GLI2: variants seen among roughly 807,000 people sequenced by gnomAD.
GLI2 encodes GLI family zinc finger 2, also known as transcription activator GLI2.
GLI2 carries 22 observed loss-of-function variants against 78.9 expected under a neutral mutation model. That is an observed-to-expected ratio of 0.28 (90% CI 0.20 to 0.40). The LOEUF is 0.40. GLI2 is among the 10% of genes least tolerant of loss of function. The pLI, the probability that GLI2 is intolerant of heterozygous loss-of-function variation, is 1.00. For missense variants in GLI2, 2,097 were observed against 2,213.2 expected, an observed-to-expected ratio of 0.95 and a Z score of 1.05; for synonymous variants, 974 against 963.7, an observed-to-expected ratio of 1.01 and a Z score of -0.20.
At chr2:120,923,232 AG>A (rs1679474613) in intron 2 of GLI2, among the ~76,000 whole-genome samples, 1 of 120,086 alleles carries the variant, frequency 8.3e-6, no homozygotes, top group African/African-American at 3.2e-5. Flanking sequence ...ACATATACAC[AG>A]CAACACACAC....
chr2:120,893,382 G>A (rs1307510340), intron 2 of GLI2, among the ~76,000 whole-genome samples: 7 of 150,604 alleles, frequency 4.6e-5, no homozygotes, highest in Admixed American at 4.0e-4. Flanking sequence ...GCACAATTAA[G>A]ATTCTTGCTG....
chr2:120,901,731 C>T (rs1386035494), intron 2 of GLI2, among the ~76,000 whole-genome samples: 1 of 152,214 alleles, frequency 6.6e-6, no homozygotes. Context: ...AGATTACCTA[C>T]AATTGTTTGG....
chr2:120,850,642 G>T (rs904591622), intron 2 of GLI2, among the ~76,000 whole-genome samples: 1 of 152,236 alleles, frequency 6.6e-6, no homozygotes, highest in African/African-American at 2.4e-5. Flanking sequence ...TGATAGCAAG[G>T]CCGGGGCTGT....
intron 5 of GLI2, among the ~76,000 whole-genome samples, chr2:120,964,210 G>A (rs1681724546): frequency 6.6e-6 from 1 of 152,228 alleles, no homozygotes; most frequent in South Asian, 2.1e-4. Context: ...GGGAGGTGAT[G>A]ACTCGGCTGA....
chr2:120,865,175 C>T (rs924314234), intron 2 of GLI2, among the ~76,000 whole-genome samples: 3 of 152,170 alleles, frequency 2.0e-5, no homozygotes, highest in Non-Finnish European at 2.9e-5. Context: ...AGTGTCTGAG[C>T]GCTTGCCTGT....
chr2:120,769,818 G>A (rs1478370818), intron 1 of GLI2, among the ~76,000 whole-genome samples: 1 of 150,642 alleles, frequency 6.6e-6, no homozygotes, highest in Non-Finnish European at 1.5e-5. Flanking sequence ...GGAGTGTGTT[G>A]GGAATGTGTG....
chr2:120,913,059 G>A (rs186955364), intron 2 of GLI2, among the ~76,000 whole-genome samples: 8 of 152,334 alleles, frequency 5.3e-5, no homozygotes, highest in African/African-American at 7.2e-5. Flanking sequence ...AAATGTAAGC[G>A]ACCAAATAGA....
intron 1 of GLI2, among the ~76,000 whole-genome samples, chr2:120,768,849 C>T (rs575999272): frequency 6.6e-6 from 1 of 151,810 alleles, no homozygotes; most frequent in East Asian, 1.9e-4. Flanking sequence ...GCACCCTGCC[C>T]CACTCCGCCC....
At chr2:120,840,142 AT>A (rs1686798317) in intron 2 of GLI2, among the ~76,000 whole-genome samples, 1 of 152,170 alleles carries the variant, frequency 6.6e-6, no homozygotes, top group African/African-American at 2.4e-5. Context: ...AAACATAGCA[AT>A]TTTATTAAAT....
intron 3 of GLI2, among the ~76,000 whole-genome samples, chr2:120,943,595 C>T (rs1384685056): frequency 2.6e-5 from 4 of 152,224 alleles, no homozygotes; most frequent in African/African-American, 9.6e-5. Flanking sequence ...CCGCTGCTGC[C>T]GCTGGCCTCA....
At chr2:120,832,438 C>T (rs1686409505) in intron 2 of GLI2, among the ~76,000 whole-genome samples, 1 of 152,174 alleles carries the variant, frequency 6.6e-6, no homozygotes, top group Non-Finnish European at 1.5e-5. Context: ...GAGGCCCAGG[C>T]TGTGTCCCTT....
rs553456353 is a variant in GLI2, at chr2:120,920,621, G to A, written c.149-6740G>A. On this transcript the variant is annotated intron_variant, in intron 2 of 13. Transcript: ENST00000361492. ...GGTGTTGAAACTGCAGCGTAGAAAA[G>A]TTCCAGGATTTTAAAGAAAAAGCCG... Among the ~76,000 whole-genome samples, 482 of 152,262 alleles carry A rather than the reference G, an allele frequency of 3.2e-3. 2 individuals carry two copies. The highest frequency in any genetic ancestry group is 5.5e-3 in the Non-Finnish European group (371 of 68,010).
chr2:120,896,944 C>T (rs1290177252), intron 2 of GLI2, among the ~76,000 whole-genome samples: 1 of 152,186 alleles, frequency 6.6e-6, no homozygotes, highest in Non-Finnish European at 1.5e-5. Flanking sequence ...AAAAGGGGAT[C>T]ATGAAATAGA....
At chr2:120,753,134 G>A (rs1008311474) in intron 1 of GLI2, among the ~76,000 whole-genome samples, 1 of 118,232 alleles carries the variant, frequency 8.5e-6, no homozygotes, top group Non-Finnish European at 1.6e-5. Flanking sequence ...TCGCTCTGTT[G>A]CCCAGTCTGG....
At chr2:120,773,715 G>A (rs1683590847) in intron 1 of GLI2, among the ~76,000 whole-genome samples, 1 of 152,178 alleles carries the variant, frequency 6.6e-6, no homozygotes, top group African/African-American at 2.4e-5. Context: ...ATAGTCGCAG[G>A]TGGCAGGTGG....
chr2:120,798,316 G>T (rs1334913556), intron 2 of GLI2, among the ~76,000 whole-genome samples: 1 of 152,160 alleles, frequency 6.6e-6, no homozygotes, highest in Non-Finnish European at 1.5e-5. Context: ...GGCTTGTTTT[G>T]GTGGAGACCC....
At chr2:120,867,508 C>T (rs1367936031) in intron 2 of GLI2, 2 of 152,354 alleles carry the variant, frequency 1.3e-5, no homozygotes, top group Non-Finnish European at 2.9e-5. Flanking sequence ...ACCGCCTCTC[C>T]TGCCGCTGGG....
At chr2:120,971,040 T>C (rs1430639951) in intron 7 of GLI2, among the ~76,000 whole-genome samples, 1 of 152,246 alleles carries the variant, frequency 6.6e-6, no homozygotes, top group Non-Finnish European at 1.5e-5. Flanking sequence ...GTACAGTGCC[T>C]GGCACATCCT....
rs369436486 is a variant in GLI2 at position 120,905,655 on chromosome 2, C to G, written c.149-21706C>G. Among the ~76,000 whole-genome samples, 5 of 152,226 alleles carry G rather than the reference C, an allele frequency of 3.3e-5. No homozygotes were observed. In the East Asian group the frequency reaches 9.6e-4, roughly 29 times the overall value. On this transcript the variant is annotated intron_variant, in intron 2 of 13. Coordinates refer to ENST00000361492, the MANE Select transcript of GLI2 (RefSeq NM_001374353.1). ...CAGGCCTCTGCCCACTGTCCAGTGG[C>G]TCCTCAGGGCTTGGGCTTGGGGCAT...
Sources: allele counts gnomAD v4.1 joint callset (sites outside exome capture counted in the v4.1 genomes callset), GRCh38; gene constraint gnomAD v4.1.1; transcripts MANE v1.5; gene names NCBI Gene and HGNC (gene_info 2026-07-23, HGNC 2026-07-21).